TBC1D22A: variants seen among roughly 807,000 people sequenced by gnomAD.
The protein encoded by TBC1D22A is TBC1 domain family member 22A.
TBC1D22A carries 38 observed loss-of-function variants against 60.2 expected under a neutral mutation model. The observed-to-expected ratio is 0.63, with a 90% CI of 0.49 to 0.83. The LOEUF is 0.83. Among genes scored for constraint, TBC1D22A ranks in the 40% least tolerant of loss-of-function variants. The probability of loss-of-function intolerance (pLI) is 0.00; values close to 1 mark genes in which losing one functional copy is unlikely to be tolerated. For missense variants in TBC1D22A, 628 were observed against 701.0 expected (o/e 0.90, Z 1.18); for synonymous variants, 302 against 281.7 (o/e 1.07, Z -0.72).
At chr22:47,124,282 A>C (rs1276409214) in intron 12 of TBC1D22A, among the ~76,000 whole-genome samples, 1 of 152,066 alleles carries the variant, frequency 6.6e-6, no homozygotes, top group Admixed American at 6.5e-5. Flanking sequence ...TTCAGAGGGA[A>C]GGGCGCCGTG....
chr22:47,061,659 C>G (rs2063583030), intron 11 of TBC1D22A, among the ~76,000 whole-genome samples: 2 of 152,172 alleles, frequency 1.3e-5, no homozygotes, highest in South Asian at 4.1e-4. Context: ...ACTCCTTCCA[C>G]TCTCCATAGT....
At chr22:47,026,168 C>G (rs2062251397) in intron 10 of TBC1D22A, among the ~76,000 whole-genome samples, 1 of 152,160 alleles carries the variant, frequency 6.6e-6, no homozygotes, top group African/African-American at 2.4e-5. Flanking sequence ...TCATTTGACA[C>G]AATCCAATAT....
At chr22:46,914,878 A>G (rs2070239105) in intron 8 of TBC1D22A, 1 of 157,868 alleles carries the variant, frequency 6.3e-6, no homozygotes, top group African/African-American at 2.4e-5. Context: ...TAACATTCAC[A>G]TTATCAAGAG....
At chr22:46,865,092 C>G (rs2066987601) in intron 4 of TBC1D22A, among the ~76,000 whole-genome samples, 1 of 152,214 alleles carries the variant, frequency 6.6e-6, no homozygotes, top group Non-Finnish European at 1.5e-5. Flanking sequence ...CATCCATCTC[C>G]CAACCTCCAT....
intron 1 of TBC1D22A, among the ~76,000 whole-genome samples, chr22:46,780,318 T>A (rs926699573): frequency 1.3e-5 from 2 of 152,242 alleles, no homozygotes; most frequent in Non-Finnish European, 2.9e-5. Context: ...AAATGTTTCA[T>A]TTATTTTATG....
chr22:47,084,350 G>T (rs1289790220), intron 11 of TBC1D22A, among the ~76,000 whole-genome samples: 1 of 152,202 alleles, frequency 6.6e-6, no homozygotes, highest in Non-Finnish European at 1.5e-5. Context: ...GTGACGACTG[G>T]ACCGGCAGCT....
chr22:47,123,114 G>A (rs191431606), intron 12 of TBC1D22A, among the ~76,000 whole-genome samples: 1 of 152,184 alleles, frequency 6.6e-6, no homozygotes, highest in Non-Finnish European at 1.5e-5. Context: ...GGGTGTTCCC[G>A]TGAGGTTCCG....
At chr22:47,026,175 A>G (rs1308708547) in intron 10 of TBC1D22A, among the ~76,000 whole-genome samples, 3 of 152,246 alleles carry the variant, frequency 2.0e-5, no homozygotes, top group Admixed American at 6.5e-5. Context: ...ACACAATCCA[A>G]TATCCACTCT....
intron 11 of TBC1D22A, among the ~76,000 whole-genome samples, chr22:47,099,216 G>C (rs980333492): frequency 3.3e-5 from 5 of 152,152 alleles, no homozygotes; most frequent in African/African-American, 7.2e-5. Context: ...GGGAGGAAAA[G>C]GGCATACACA....
intron 8 of TBC1D22A, among the ~76,000 whole-genome samples, chr22:46,936,294 C>T (rs2071648651): frequency 6.6e-6 from 1 of 151,596 alleles, no homozygotes; most frequent in African/African-American, 2.4e-5. Context: ...GTTCTGCACG[C>T]CCTCTTCCTG....
intron 12 of TBC1D22A, among the ~76,000 whole-genome samples, chr22:47,140,543 G>C (rs2067042327): frequency 6.9e-6 from 1 of 145,784 alleles, no homozygotes; most frequent in Admixed American, 6.9e-5. Context: ...GACAGAGTGA[G>C]ACTCTGTCTC....
intron 10 of TBC1D22A, among the ~76,000 whole-genome samples, chr22:47,012,953 C>T (rs890266593): frequency 1.3e-5 from 2 of 152,196 alleles, no homozygotes; most frequent in African/African-American, 2.4e-5. Context: ...TGGCCACCCC[C>T]ACCCAGTCTG....
intron 4 of TBC1D22A, among the ~76,000 whole-genome samples, chr22:46,804,756 T>G (rs536684701): frequency 6.6e-6 from 1 of 152,370 alleles, no homozygotes; most frequent in Non-Finnish European, 1.5e-5. Context: ...CTTTCACTGT[T>G]CCTTCAGGTG....
intron 11 of TBC1D22A, among the ~76,000 whole-genome samples, chr22:47,074,496 G>A (rs2064124764): frequency 1.3e-5 from 2 of 152,206 alleles, no homozygotes; most frequent in Non-Finnish European, 2.9e-5. Context: ...AGAGAAATAG[G>A]CTTATTTAGG....
At chr22:46,968,396 A>G (rs567379688) in intron 8 of TBC1D22A, among the ~76,000 whole-genome samples, 54 of 152,332 alleles carry the variant, frequency 3.5e-4, no homozygotes, top group Non-Finnish European at 6.5e-4. Context: ...GGGCTTTTGG[A>G]TGGAGTGGGA....
chr22:46,824,067 A>G (rs1287511182), intron 4 of TBC1D22A, among the ~76,000 whole-genome samples: 1 of 152,250 alleles, frequency 6.6e-6, no homozygotes, highest in African/African-American at 2.4e-5. Flanking sequence ...AATATAATAT[A>G]TAAACTATAT....
At chr22:47,147,237 G>A (rs1036739916) in intron 12 of TBC1D22A, among the ~76,000 whole-genome samples, 10 of 152,234 alleles carry the variant, frequency 6.6e-5, no homozygotes, top group African/African-American at 1.2e-4. Context: ...AAACCAACTC[G>A]GAGTCGGTCT....
intron 9 of TBC1D22A, among the ~76,000 whole-genome samples, chr22:46,983,505 T>G (rs1382695472): frequency 6.6e-6 from 1 of 152,220 alleles, no homozygotes; most frequent in Non-Finnish European, 1.5e-5. Flanking sequence ...CCCATTTGCC[T>G]GAGTTTCACT....
intron 12 of TBC1D22A, among the ~76,000 whole-genome samples, chr22:47,130,480 C>T (rs1287892824): frequency 1.3e-5 from 2 of 151,926 alleles, no homozygotes; most frequent in Non-Finnish European, 2.9e-5. Flanking sequence ...CTTCTGGCCT[C>T]TCTCTGGATG....
Sources: allele counts gnomAD v4.1 joint callset (sites outside exome capture counted in the v4.1 genomes callset), GRCh38; gene constraint gnomAD v4.1.1; transcripts MANE v1.5; gene names NCBI Gene and HGNC (gene_info 2026-07-23, HGNC 2026-07-21).